The following DOCK10 variants were observed in gnomAD, a reference collection of about 807,000 sequenced individuals.
DOCK10 encodes the protein dedicator of cytokinesis protein 10.
In DOCK10, 145 loss-of-function variants were observed where a neutral mutation model predicts 280.1. The ratio of observed to expected loss-of-function variants is 0.52; its 90% CI spans 0.45 to 0.59. The LOEUF (loss-of-function observed/expected upper bound fraction) is 0.59, where lower values mean the gene tolerates loss of function less well. Ranked by LOEUF, DOCK10 falls within the 20% of genes least tolerant of loss-of-function variation. The pLI, the probability that DOCK10 is intolerant of heterozygous loss-of-function variation, is 0.00. For missense variants in DOCK10, 2,368 were observed against 2,651.7 expected, an observed-to-expected ratio of 0.89 and a Z score of 2.35; for synonymous variants, 915 against 942.2, an observed-to-expected ratio of 0.97 and a Z score of 0.53.
chr2:224,767,196 C>A (rs1419910071), intron 55 of DOCK10, among the ~76,000 whole-genome samples: 2 of 151,980 alleles, frequency 1.3e-5, no homozygotes, highest in Non-Finnish European at 2.9e-5. Flanking sequence ...CGGAATCTCA[C>A]TTTGTCACCC....
At chr2:224,974,997 T>G (rs1022363459) in intron 1 of DOCK10, among the ~76,000 whole-genome samples, 2 of 151,202 alleles carry the variant, frequency 1.3e-5, no homozygotes, top group African/African-American at 4.8e-5. Flanking sequence ...GTTTTCCGAT[T>G]TTCTTTATCA....
intron 4 of DOCK10, among the ~76,000 whole-genome samples, chr2:224,890,717 T>C (rs886175842): frequency 3.3e-5 from 5 of 152,202 alleles, no homozygotes; most frequent in Non-Finnish European, 5.9e-5. Flanking sequence ...TCCATGGTTA[T>C]GAAAATCAGA....
chr2:224,837,590 G>A, intron 25 of DOCK10, 172 bp downstream of exon 25: 2 of 594,392 alleles, frequency 3.4e-6, no homozygotes, highest in South Asian at 4.2e-5. Flanking sequence ...AATTCACCTA[G>A]CCCATTAATG....
chr2:224,771,349 T>G (rs1690429159), intron 53 of DOCK10, among the ~76,000 whole-genome samples: 1 of 152,194 alleles, frequency 6.6e-6, no homozygotes, highest in Non-Finnish European at 1.5e-5. Context: ...AAGTGCTAGT[T>G]TTTCTTTTCT....
At chr2:224,944,234 C>A (rs1242502880) in intron 1 of DOCK10, among the ~76,000 whole-genome samples, 1 of 152,170 alleles carries the variant, frequency 6.6e-6, no homozygotes, top group Non-Finnish European at 1.5e-5. Context: ...CAGCTTAATG[C>A]AGTTCAGAAG....
intron 7 of DOCK10, among the ~76,000 whole-genome samples, chr2:224,877,813 C>T (rs1698735010): frequency 6.6e-6 from 1 of 152,176 alleles, no homozygotes; most frequent in Non-Finnish European, 1.5e-5. Context: ...AAAGTGGAAA[C>T]TTTCCCCTAG....
Position 225,016,624 on chromosome 2 carries a change from C to CATAGATAG in DOCK10, c.123+25627_123+25628insCTATCTAT, listed in dbSNP as rs1416665369. ...ACATAGATACATATATCTATGTGCA[C>CATAGATAG]ATAGATACATATATCTATGTGCACA... is the stretch of plus-strand genomic sequence containing the variant. On this transcript the variant is annotated intron_variant, in intron 1 of 55. Transcript: ENST00000258390. 5.5e-5 allele frequency among the ~76,000 whole-genome samples: 2 copies of CATAGATAG among 36,210 alleles called. 1 individual carries two copies. Among genetic ancestry groups the CATAGATAG allele is most frequent in the African/African-American group, 1.6e-4 (2 of 12,202 alleles). 23.8% of individuals were successfully genotyped at this position (36,210 alleles called of 152,430 possible).
chr2:224,884,780 C>T (rs1259621523), intron 7 of DOCK10, among the ~76,000 whole-genome samples: 1 of 152,188 alleles, frequency 6.6e-6, no homozygotes, highest in East Asian at 1.9e-4. Context: ...TGTACACTGT[C>T]AACTTACTCT....
chr2:224,776,440 G>T (rs988219260), intron 51 of DOCK10, among the ~76,000 whole-genome samples: 1 of 152,000 alleles, frequency 6.6e-6, no homozygotes, highest in Non-Finnish European at 1.5e-5. Flanking sequence ...ATCCCCCCAC[G>T]CTGCCCCAGG....
chr2:224,931,743 C>G, intron 1 of DOCK10, 75 bp from the exon 2 acceptor site: 1 of 626,194 alleles, frequency 1.6e-6, no homozygotes, highest in Non-Finnish European at 2.2e-6. Context: ...TGGATTTCAT[C>G]TCTTAGTTAT....
In DOCK10 at chr2:224,808,032, C is replaced by G. The variant is rs760832898; in HGVS notation, c.3464G>C (p.Gly1155Ala). ...AAAGCCAACTTCTCGGAGCAGAATT[C>G]CGATTAAGAAGTGTTTGCGACAAAA... is the stretch of plus-strand genomic sequence containing the variant. ...NEFCRKHFLI[G>A]ILLREVGFAL... The change falls in exon 32 of 56, where the codon GGA (glycine) becomes GCA (alanine). Residue 1155 changes from glycine (G) to alanine (A), a missense_variant. Gly to Ala is a moderately conservative substitution (Grantham distance 60). This residue lies in a region of DOCK10 where 1,159 missense variants were observed against 1,400.8 expected (regional missense o/e 0.83). Transcript: ENST00000258390. 4 of 1,612,612 alleles carry G rather than the reference C, an allele frequency of 2.5e-6. No homozygotes were observed. Among genetic ancestry groups the G allele is most frequent in the Non-Finnish European group, 2.5e-6 (3 of 1,179,260 alleles).
At chr2:224,909,365 G>A (rs1039568739) in intron 3 of DOCK10, among the ~76,000 whole-genome samples, 6 of 152,146 alleles carry the variant, frequency 3.9e-5, no homozygotes, top group African/African-American at 1.4e-4. Flanking sequence ...CTCTCCAGTA[G>A]TTGTTTTCCA....
At chr2:225,041,879 TC>T (rs981647043) in intron 1 of DOCK10, among the ~76,000 whole-genome samples, 2 of 151,968 alleles carry the variant, frequency 1.3e-5, no homozygotes, top group African/African-American at 4.8e-5. Context: ...GTTCTGTAGA[TC>T]CCCCCACCCC....
chr2:225,025,919 G>A (rs1309031764), intron 1 of DOCK10, among the ~76,000 whole-genome samples: 1 of 152,082 alleles, frequency 6.6e-6, no homozygotes, highest in Non-Finnish European at 1.5e-5. Context: ...TGGAAGCAAT[G>A]AGATAATAAC....
intron 31 of DOCK10, among the ~76,000 whole-genome samples, chr2:224,810,546 C>T (rs988273053): frequency 1.4e-4 from 21 of 151,420 alleles, no homozygotes; most frequent in African/African-American, 4.4e-4. Context: ...AGGTTTGTTA[C>T]ATATGTATAC....
At chr2:225,023,569 G>C (rs999710188) in intron 1 of DOCK10, among the ~76,000 whole-genome samples, 1 of 152,108 alleles carries the variant, frequency 6.6e-6, no homozygotes, top group Admixed American at 6.5e-5. Flanking sequence ...TACTGTCAAG[G>C]ATGTGGTAGA....
chr2:224,929,099 C>T (rs1415737896), intron 2 of DOCK10, among the ~76,000 whole-genome samples: 1 of 152,196 alleles, frequency 6.6e-6, no homozygotes, highest in African/African-American at 2.4e-5. Flanking sequence ...CCCTGGTCAC[C>T]TAGACCAACA....
intron 7 of DOCK10, among the ~76,000 whole-genome samples, chr2:224,882,012 C>A (rs1302717387): frequency 2.0e-5 from 3 of 152,188 alleles, no homozygotes; most frequent in Non-Finnish European, 4.4e-5. Context: ...TGTCTTGGAA[C>A]CCATATCCAC....
rs72305904 is a variant in DOCK10 at position 224,854,854 on chromosome 2, GCCAACCAACCAACCAACCAA to G, written c.1888+89_1888+108del. The G allele has an allele frequency of 6.3e-5, 40 of 631,104 alleles. No individual in the cohort carries two copies. The African/African-American group carries it at 6.5e-4, about 10-fold the overall frequency. The allele number at this position is 631,104 out of a possible 1,614,324, so 39.1% of individuals were successfully genotyped here. A position where few individuals can be genotyped will look rare whatever the true frequency, so the allele number is the denominator to read the frequency against. ...CCAAAACCTTGTAACCAACCAACTA[GCCAACCAACCAACCAACCAA>G]CCAACCAACCAACCAACCAACCAAA... On this transcript the variant is annotated intron_variant, in intron 16 of 55. Transcript: ENST00000258390.
Sources: gnomAD v4.1 joint callset for allele counts (sites outside exome capture counted in the v4.1 genomes callset) on GRCh38, gnomAD v4.1.1 for gene constraint, gnomAD v4.1.1 regional missense constraint, MANE v1.5 for transcripts, NCBI Gene and HGNC (gene_info 2026-07-23, HGNC 2026-07-21) for gene names.